The following ADAMTS12 variants were observed in gnomAD, a reference collection of about 807,000 sequenced individuals.
ADAMTS12 encodes A disintegrin and metalloproteinase with thrombospondin motifs 12.
In ADAMTS12, 118 loss-of-function variants were observed where a neutral mutation model predicts 167.8. The ratio of observed to expected loss-of-function variants is 0.70; its 90% CI spans 0.61 to 0.82. The LOEUF (loss-of-function observed/expected upper bound fraction) is 0.82, where lower values mean the gene tolerates loss of function less well. Ranked by LOEUF, ADAMTS12 falls within the 40% of genes least tolerant of loss-of-function variation. The pLI is 0.00. For synonymous variants in ADAMTS12, 704 were observed against 716.9 expected (o/e 0.98, Z 0.29); for missense variants, 1,916 against 1,998.8 (o/e 0.96, Z 0.79).
intron 16 of ADAMTS12, among the ~76,000 whole-genome samples, chr5:33,612,396 T>C (rs1229065225): frequency 6.6e-6 from 1 of 152,220 alleles, no homozygotes; most frequent in Middle Eastern, 3.2e-3. Flanking sequence ...CATCAGCCAC[T>C]TATCTCTTGA....
intron 2 of ADAMTS12, among the ~76,000 whole-genome samples, chr5:33,757,702 G>C (rs887920533): frequency 6.6e-6 from 1 of 152,194 alleles, no homozygotes; most frequent in Non-Finnish European, 1.5e-5. Context: ...GTATGATATG[G>C]TTGAATAGAA....
chr5:33,570,675 G>T (rs1018474913), intron 19 of ADAMTS12, among the ~76,000 whole-genome samples: 1 of 152,016 alleles, frequency 6.6e-6, no homozygotes, highest in Non-Finnish European at 1.5e-5. Flanking sequence ...AGATTAGGAA[G>T]AAACTGCATC....
chr5:33,648,399 T>C (rs1740757614), intron 9 of ADAMTS12, among the ~76,000 whole-genome samples: 1 of 152,202 alleles, frequency 6.6e-6, no homozygotes, highest in South Asian at 2.1e-4. Flanking sequence ...CCTGAATTAT[T>C]ATTTGGACGT....
chr5:33,570,476 A>T (rs977230192), intron 19 of ADAMTS12, among the ~76,000 whole-genome samples: 1 of 152,156 alleles, frequency 6.6e-6, no homozygotes, highest in African/African-American at 2.4e-5. Flanking sequence ...TCAACCCAGA[A>T]TTTCATATCC....
At chr5:33,661,233 G>C (rs1741247298) in intron 6 of ADAMTS12, among the ~76,000 whole-genome samples, 1 of 152,262 alleles carries the variant, frequency 6.6e-6, no homozygotes. Flanking sequence ...TATAGTAGGT[G>C]CTCAATAAAT....
intron 2 of ADAMTS12, among the ~76,000 whole-genome samples, chr5:33,868,176 T>C (rs1749900887): frequency 6.6e-6 from 1 of 152,210 alleles, no homozygotes; most frequent in Non-Finnish European, 1.5e-5. Context: ...TAGTTCTTTA[T>C]AGCACTATGA....
At chr5:33,615,766 G>T in intron 15 of ADAMTS12, 62 bp downstream of exon 15, 1 of 1,592,368 alleles carries the variant, frequency 6.3e-7, no homozygotes, top group Non-Finnish European at 8.6e-7. Flanking sequence ...AGTACCTTGG[G>T]GAAAAAGGAG....
chr5:33,546,120 G>A lies in ADAMTS12; in HGVS notation c.4385C>T (p.Thr1462Ile), dbSNP rs772075879. The A allele has an allele frequency of 6.2e-6, 10 of 1,613,924 alleles. No homozygotes were observed. ...GTGCTCATTGCAAGACATGGTGGAT[G>A]TGGGTCTTTTTGTCCAATCACAGAG... The part of the protein sequence containing the change: ...GGLCDWTKRP[T>I]STMSCNEHLC... The change falls in exon 22 of 24, where the codon ACA becomes ATA. Residue 1462 changes from threonine (T) to isoleucine (I), a missense_variant. By Grantham distance (89) the Thr-to-Ile change is moderately conservative. Coordinates refer to ENST00000504830, the MANE Select transcript of ADAMTS12 (RefSeq NM_030955.4).
At chr5:33,545,154 A>G (rs943291232) in intron 22 of ADAMTS12, among the ~76,000 whole-genome samples, 2 of 152,244 alleles carry the variant, frequency 1.3e-5, no homozygotes, top group African/African-American at 4.8e-5. Context: ...AACTTAAAGA[A>G]ATTTACAAGA....
At chr5:33,664,840 C>CA (rs1160802050) in intron 5 of ADAMTS12, among the ~76,000 whole-genome samples, 20 of 152,086 alleles carry the variant, frequency 1.3e-4, no homozygotes, top group Non-Finnish European at 2.8e-4. Flanking sequence ...AGATACCTGC[C>CA]ATGTTCACTG....
intron 19 of ADAMTS12, among the ~76,000 whole-genome samples, chr5:33,571,570 C>A (rs540502319): frequency 3.3e-5 from 5 of 151,928 alleles, no homozygotes; most frequent in Admixed American, 1.3e-4. Context: ...CACCACATAC[C>A]AGAATCTCTG....
intron 1 of ADAMTS12, among the ~76,000 whole-genome samples, chr5:33,888,923 C>T (rs1400820733): frequency 6.6e-6 from 1 of 152,118 alleles, no homozygotes; most frequent in African/African-American, 2.4e-5. Flanking sequence ...TGTTTCTAGT[C>T]CCAGAAAGGA....
rs574644597 is a variant in ADAMTS12 at position 33,751,901 on chromosome 5, G to C, written c.490-353C>G. ...CCAAATGAAGACCCAGTGCTTCCCA[G>C]TTGTTCTATTATGGAGTTGGGACCT... is the stretch of plus-strand genomic sequence containing the variant. On this transcript the variant is annotated intron_variant, in intron 2 of 23. Transcript: ENST00000504830. 9.7e-4 allele frequency among the ~76,000 whole-genome samples: 147 copies of C among 152,300 alleles called. 2 individuals carry two copies. Among genetic ancestry groups the C allele is most frequent in the South Asian group, 1.5e-3 (7 of 4,826 alleles).
chr5:33,866,977 TGTG>T (rs1356412683), intron 2 of ADAMTS12, among the ~76,000 whole-genome samples: 2 of 151,688 alleles, frequency 1.3e-5, no homozygotes, highest in East Asian at 3.9e-4. Context: ...TGGTGAAAGA[TGTG>T]GTGAAAGGCA....
intron 2 of ADAMTS12, among the ~76,000 whole-genome samples, chr5:33,832,920 G>A (rs1748355938): frequency 6.6e-6 from 1 of 151,008 alleles, no homozygotes; most frequent in African/African-American, 2.5e-5. Context: ...GGGGAAAAAA[G>A]CCACTTGCTT....
intron 2 of ADAMTS12, among the ~76,000 whole-genome samples, chr5:33,786,066 A>C (rs1032614993): frequency 1.3e-5 from 2 of 152,244 alleles, no homozygotes; most frequent in African/African-American, 4.8e-5. Context: ...GATACAAAAG[A>C]CTACATCTTG....
Position 33,750,042 on chromosome 5 carries a change from A to G in ADAMTS12, c.634+1362T>C, listed in dbSNP as rs143580440. 1.0e-3 allele frequency among the ~76,000 whole-genome samples: 153 copies of G among 152,294 alleles called. 1 individual carries two copies. The highest frequency in any genetic ancestry group is 3.5e-3 in the African/African-American group (147 of 41,564). ...GGTATAAAATCACAAAGTGTTCCCC[A>G]TCACCCAGAGTGTAATAGGAATTGG... On this transcript the variant is annotated intron_variant, in intron 3 of 23. Coordinates refer to ENST00000504830, the MANE Select transcript of ADAMTS12 (RefSeq NM_030955.4).
At chr5:33,875,681 AC>A (rs1265645741) in intron 2 of ADAMTS12, among the ~76,000 whole-genome samples, 1 of 152,196 alleles carries the variant, frequency 6.6e-6, no homozygotes. Flanking sequence ...CAAAAACAAA[AC>A]AAAACAGATA....
At chr5:33,552,697 T>G (rs573754328) in intron 20 of ADAMTS12, among the ~76,000 whole-genome samples, 2 of 152,348 alleles carry the variant, frequency 1.3e-5, no homozygotes, top group South Asian at 4.1e-4. Flanking sequence ...TGGTCTTATT[T>G]CTGGGTTCTC....
Sources: allele counts gnomAD v4.1 joint callset (sites outside exome capture counted in the v4.1 genomes callset), GRCh38; gene constraint gnomAD v4.1.1; transcripts MANE v1.5; gene names NCBI Gene and HGNC (gene_info 2026-07-23, HGNC 2026-07-21).